Variants in PKIB observed in about 807,000 individuals in gnomAD.
PKIB encodes PKI-beta.
In PKIB, 2 loss-of-function variants were observed where a neutral mutation model predicts 4.5. That is an observed-to-expected ratio of 0.44 (90% CI 0.18 to 1.39). PKIB has a LOEUF of 1.39. PKIB is among the 40% of genes most tolerant of loss of function. The probability of loss-of-function intolerance (pLI) is 0.27; values close to 1 mark genes in which losing one functional copy is unlikely to be tolerated. For synonymous variants in PKIB, 38 were observed against 36.0 expected (o/e 1.06, Z -0.20); for missense variants, 94 against 92.6 (o/e 1.02, Z -0.06).
intron 2 of PKIB, among the ~76,000 whole-genome samples, chr6:122,547,734 A>G (rs1054584496): frequency 8.8e-5 from 11 of 125,386 alleles, no homozygotes; most frequent in African/African-American, 2.1e-4. Context: ...GGCTCTCCCT[A>G]CAGGGTCACT....
At chr6:122,553,742 A>G (rs1042606934) in intron 2 of PKIB, among the ~76,000 whole-genome samples, 2 of 152,064 alleles carry the variant, frequency 1.3e-5, no homozygotes, top group Non-Finnish European at 2.9e-5. Context: ...AGTTTCCTCC[A>G]TAGAGAATTG....
intron 3 of PKIB, among the ~76,000 whole-genome samples, chr6:122,710,307 G>T (rs1292152578): frequency 1.3e-5 from 2 of 152,122 alleles, no homozygotes; most frequent in Non-Finnish European, 2.9e-5. Flanking sequence ...GGCCTTGCAT[G>T]TAAACCCCCA....
At chr6:122,514,240 A>G (rs1348647804) in intron 2 of PKIB, among the ~76,000 whole-genome samples, 2 of 152,220 alleles carry the variant, frequency 1.3e-5, no homozygotes, top group African/African-American at 2.4e-5. Context: ...TCTTTCTTTG[A>G]GAATTCTCAG....
At chr6:122,596,628 A>G (rs1303429114) in intron 3 of PKIB, among the ~76,000 whole-genome samples, 4 of 152,178 alleles carry the variant, frequency 2.6e-5, no homozygotes. Context: ...ATAGGCCAAG[A>G]GCTCTCTCTC....
intron 2 of PKIB, among the ~76,000 whole-genome samples, chr6:122,490,006 G>C (rs1295907798): frequency 3.3e-5 from 5 of 152,154 alleles, no homozygotes; most frequent in Admixed American, 3.3e-4. Context: ...ATGTGCTTTT[G>C]ATAGTGTTTG....
At chr6:122,633,136 G>A (rs559819036) in intron 1 of PKIB, 147 bp from the exon 2 acceptor site, 2 of 152,164 alleles carry the variant, frequency 1.3e-5, no homozygotes, top group Admixed American at 6.5e-5. Flanking sequence ...GAATAAAAAA[G>A]ACAATGAATG....
intron 2 of PKIB, chr6:122,644,387 C>T (rs1044466211): frequency 2.6e-4 from 40 of 152,154 alleles, no homozygotes; most frequent in African/African-American, 9.4e-4. Flanking sequence ...CTACAGGAGC[C>T]TCAGAAGTCA....
intron 2 of PKIB, chr6:122,493,390 C>T (rs2114542063): frequency 6.6e-6 from 1 of 152,292 alleles, no homozygotes; most frequent in African/African-American, 2.4e-5. Context: ...ACTTCTTAGC[C>T]TTCAGAAATG....
chr6:122,519,213 A>C (rs1035177573), intron 2 of PKIB, among the ~76,000 whole-genome samples: 1 of 152,124 alleles, frequency 6.6e-6, no homozygotes, highest in African/African-American at 2.4e-5. Context: ...TGAACTGTGC[A>C]TGTGAGGGAT....
chr6:122,669,329 G>A (rs1777354830), intron 2 of PKIB, among the ~76,000 whole-genome samples: 1 of 152,012 alleles, frequency 6.6e-6, no homozygotes, highest in Non-Finnish European at 1.5e-5. Context: ...TTTTTTTTGG[G>A]AGCTTTAAAT....
At chr6:122,504,023 C>T (rs1038756168) in intron 2 of PKIB, among the ~76,000 whole-genome samples, 9 of 152,162 alleles carry the variant, frequency 5.9e-5, no homozygotes, top group Admixed American at 3.9e-4. Context: ...AAACAGATAA[C>T]AATACATATC....
rs144131323 is a variant in PKIB at position 122,598,648 on chromosome 6, C to T, written c.-161+12641C>T. Among the ~76,000 whole-genome samples the T allele has an allele frequency of 2.5e-3, 385 of 152,264 alleles. 1 individual carries two copies. Among genetic ancestry groups the T allele is most frequent in the Admixed American group, 4.4e-3 (68 of 15,282 alleles). The stretch of plus-strand genomic sequence containing the variant: ...ACCCTCCCAGCTGGGATGAGTAGGT[C>T]TAAAGTGACTAATCCACTCCACCAT... On this transcript the variant is annotated intron_variant, in intron 3 of 6. Transcript: ENST00000392491.
chr6:122,526,920 T>C (rs533467010), intron 2 of PKIB, among the ~76,000 whole-genome samples: 79 of 152,316 alleles, frequency 5.2e-4, no homozygotes, highest in Admixed American at 3.6e-3. Context: ...ATAAGGTTGT[T>C]TTGTCTACAT....
rs59569106 is a variant in PKIB, at chr6:122,576,710, A to ATATATATATATAT, written c.-247-9210_-247-9209insATATATATATATT. ...AAAAAATATATATATATATATATAT[A>ATATATATATATAT]TTTTCTTTTGTATAATTATACCTCA... On this transcript the variant is annotated intron_variant, in intron 2 of 6. Coordinates refer to the PKIB transcript ENST00000392491. Among the ~76,000 whole-genome samples, 163 of 109,918 alleles carry ATATATATATATAT rather than the reference A, an allele frequency of 1.5e-3. 1 individual carries two copies. Among genetic ancestry groups the ATATATATATATAT allele is most frequent in the Admixed American group, 3.9e-3 (42 of 10,700 alleles). The allele number at this position is 109,918 out of a possible 152,430, so 72.1% of individuals were successfully genotyped here.
At chr6:122,617,470 G>A (rs1216837671) in intron 1 of PKIB, among the ~76,000 whole-genome samples, 1 of 152,100 alleles carries the variant, frequency 6.6e-6, no homozygotes, top group East Asian at 1.9e-4. Context: ...TCATATTTTG[G>A]GTTCTAGGTT....
rs147627140 is a variant in PKIB at position 122,684,890 on chromosome 6, A to T, written c.-9+9746A>T. 9.4e-4 allele frequency among the ~76,000 whole-genome samples: 143 copies of T among 152,306 alleles called. 4 individuals are homozygous for T. In the East Asian group the frequency reaches 0.025, roughly 27 times the overall value. On this transcript the variant is annotated intron_variant, in intron 3 of 4. Coordinates refer to ENST00000368452, the MANE Select transcript of PKIB (RefSeq NM_181795.3). ...CTTAAGTTGTAAAATAAGAAAAATAAACTGGATAAGGTATGCTTTGGTCAA... is the reference window on the plus strand; with the variant it reads ...CTTAAGTTGTAAAATAAGAAAAATATACTGGATAAGGTATGCTTTGGTCAA...
chr6:122,674,167 G>A (rs982228397), intron 2 of PKIB, among the ~76,000 whole-genome samples: 7 of 152,148 alleles, frequency 4.6e-5, no homozygotes, highest in South Asian at 4.1e-4. Flanking sequence ...CATGTACCAC[G>A]TGAAGGGATT....
rs145128250 is a variant in PKIB at position 122,682,964 on chromosome 6, C to G, written c.-9+7820C>G. Among the ~76,000 whole-genome samples the G allele has an allele frequency of 2.0e-5, 3 of 152,216 alleles. No individual in the cohort carries two copies. The East Asian group carries it at 5.8e-4, about 29-fold the overall frequency. On this transcript the variant is annotated intron_variant, in intron 3 of 4. Transcript: ENST00000368452. ...CATTACTAGAGTTCATTGGTTGGGC[C>G]CATTCACAAGGGTCCCCGGTTGATT...
At chr6:122,593,456 C>T (rs1774075673) in intron 3 of PKIB, among the ~76,000 whole-genome samples, 1 of 152,090 alleles carries the variant, frequency 6.6e-6, no homozygotes, top group Non-Finnish European at 1.5e-5. Context: ...AGACTATCAC[C>T]ATAGAACTGA....
Sources: gnomAD v4.1 joint callset for allele counts (sites outside exome capture counted in the v4.1 genomes callset) on GRCh38, gnomAD v4.1.1 for gene constraint, MANE v1.5 for transcripts, NCBI Gene and HGNC (gene_info 2026-07-23, HGNC 2026-07-21) for gene names.